CPT1A: variants seen among roughly 807,000 people sequenced by gnomAD.
CPT1A encodes the protein carnitine O-palmitoyltransferase 1, liver isoform.
A neutral mutation model predicts 100.8 loss-of-function variants in CPT1A; 64 were observed. The ratio of observed to expected loss-of-function variants is 0.63; its 90% CI spans 0.52 to 0.78. The LOEUF (loss-of-function observed/expected upper bound fraction) is 0.78. CPT1A is among the 30% of genes least tolerant of loss of function. CPT1A has a pLI of 0.00. For synonymous variants in CPT1A, 363 were observed against 396.0 expected, an observed-to-expected ratio of 0.92 and a Z score of 0.99; for missense variants, 802 against 1,034.1, an observed-to-expected ratio of 0.78 and a Z score of 3.08.
At chr11:68,785,447 G>A (rs187105328) in intron 9 of CPT1A, among the ~76,000 whole-genome samples, 14 of 151,646 alleles carry the variant, frequency 9.2e-5, no homozygotes, top group Admixed American at 7.3e-4. Context: ...TCTAGTCCCA[G>A]CTACTCGGGA....
At chr11:68,781,656 T>C (rs1007228766) in intron 11 of CPT1A, 115 bp downstream of exon 11, 2 of 949,820 alleles carry the variant, frequency 2.1e-6, no homozygotes, top group Non-Finnish European at 3.4e-6. Flanking sequence ...GGTTATATTT[T>C]TATGCCACCT....
chr11:68,810,820 A>G (rs1349323349), intron 3 of CPT1A, among the ~76,000 whole-genome samples: 1 of 152,104 alleles, frequency 6.6e-6, no homozygotes, highest in African/African-American at 2.4e-5. Flanking sequence ...CCTCATCTCT[A>G]CAAAACATAC....
At chr11:68,843,363 GC>G (rs1446454469), upstream of CPT1A, among the ~76,000 whole-genome samples, 5 of 136,704 alleles carry the variant, frequency 3.7e-5, no homozygotes, top group African/African-American at 1.1e-4. This position sits in a 1 kb window ranked among gnomAD's most constrained non-coding sequence, Gnocchi z 4.0. Context: ...CCTCCTCCCC[GC>G]CCCCCACCCC....
intron 1 of CPT1A, among the ~76,000 whole-genome samples, chr11:68,829,137 GC>G (rs1014380128): frequency 1.7e-4 from 26 of 152,312 alleles, no homozygotes; most frequent in African/African-American, 6.3e-4. Flanking sequence ...CTGGGAAGAA[GC>G]AGGGATGGAC....
chr11:68,815,077 G>A lies in CPT1A; in HGVS notation c.141+257C>T, dbSNP rs373282909. ...TCTTTACTCTGCCTCCTATTAAGTA[G>A]GTCGCTGGCCCTTTAAGCCTCGATT... is the stretch of plus-strand genomic sequence containing the variant. On this transcript the variant is annotated intron_variant, in intron 2 of 18. Coordinates refer to ENST00000265641, the MANE Select transcript of CPT1A (RefSeq NM_001876.4). Among the ~76,000 whole-genome samples the A allele has an allele frequency of 1.4e-4, 22 of 152,256 alleles. No individual in the cohort carries two copies. In the East Asian group the frequency reaches 4.0e-3, roughly 28 times the overall value.
In CPT1A at chr11:68,760,259, G is replaced by A. The variant is rs143980178; in HGVS notation, c.2108C>T (p.Pro703Leu). ...QVELFDLENN[P>L]EYVSSGGGFG... ...GCCCCCTCCGCTGGACACGTACTCT[G>A]GGTTATTCTCCAAGTCAAACAGCTC... Residue 703 changes from proline (P) to leucine (L), a missense_variant, in exon 17 of 19, where the codon CCA (proline) becomes CTA (leucine). Transcript: ENST00000265641. The A allele has an allele frequency of 9.3e-6, 15 of 1,612,186 alleles. No individual in the cohort carries two copies. Among genetic ancestry groups the A allele is most frequent in the Non-Finnish European group, 1.3e-5 (15 of 1,179,610 alleles).
Position 68,775,398 on chromosome 11 carries a change from T to G in CPT1A, c.1493A>C (p.Tyr498Ser). ...GCCTTTGCAGTGCCCATCCTCCGCA[T>G]AGCCCAGCTGGAGGCTGTCAATGGA... ...VMSIDSLQLG[Y>S]AEDGHCKGDI... The change falls in exon 13 of 19, where the codon TAT becomes TCT. Residue 498 changes from tyrosine (Y) to serine (S), a missense_variant. By Grantham distance (144) the Tyr-to-Ser change is moderately radical (BLOSUM62 -2). Coordinates refer to ENST00000265641, the MANE Select transcript of CPT1A (RefSeq NM_001876.4). 4 of 1,614,224 alleles carry G rather than the reference T, an allele frequency of 2.5e-6. No individual in the cohort carries two copies.
At chr11:68,779,977 G>A (rs1378857435) in intron 12 of CPT1A, among the ~76,000 whole-genome samples, 1 of 152,076 alleles carries the variant, frequency 6.6e-6, no homozygotes, top group African/African-American at 2.4e-5. Context: ...CCTAAAAAAT[G>A]CGGTAGGTAG....
intron 3 of CPT1A, among the ~76,000 whole-genome samples, chr11:68,809,877 A>G (rs1392329106): frequency 6.6e-6 from 1 of 152,228 alleles, no homozygotes; most frequent in Non-Finnish European, 1.5e-5. Context: ...CCTACACTAG[A>G]GAGTAAATTA....
intron 2 of CPT1A, among the ~76,000 whole-genome samples, chr11:68,813,238 T>G (rs1856269733): frequency 6.6e-6 from 1 of 151,842 alleles, no homozygotes; most frequent in Non-Finnish European, 1.5e-5. Flanking sequence ...GGATTAAAAA[T>G]GACCAAAGCA....
At chr11:68,780,977 T>C (rs1204919476) in intron 11 of CPT1A, among the ~76,000 whole-genome samples, 1 of 152,162 alleles carries the variant, frequency 6.6e-6, no homozygotes, top group East Asian at 1.9e-4. Flanking sequence ...CCTGGCAGCC[T>C]GAAGTCAGGA....
intron 1 of CPT1A, among the ~76,000 whole-genome samples, chr11:68,826,453 G>C (rs983734824): frequency 1.5e-5 from 2 of 136,980 alleles, no homozygotes; most frequent in African/African-American, 5.3e-5. Context: ...AAAAAAAAAA[G>C]GTCAGGCGCG....
At chr11:68,778,365 G>A (rs1462843083) in intron 12 of CPT1A, among the ~76,000 whole-genome samples, 2 of 152,162 alleles carry the variant, frequency 1.3e-5, no homozygotes, top group African/African-American at 2.4e-5. Context: ...GAGTGAGTGC[G>A]AAGACTTTGC....
rs543360838 is a variant in CPT1A at position 68,789,796 on chromosome 11, T to C, written c.967+3519A>G. 4.4e-4 allele frequency among the ~76,000 whole-genome samples: 67 copies of C among 152,340 alleles called. 1 individual carries two copies. The highest frequency in any genetic ancestry group is 8.1e-4 in the Non-Finnish European group (55 of 68,026). On this transcript the variant is annotated intron_variant, in intron 9 of 18. Transcript: ENST00000265641. ...TTCCAGGGGTGCCCATCATTTCCTTTCCAATTAGGATCTTCATGGTTTTCT... is the reference window on the plus strand; with the variant it reads ...TTCCAGGGGTGCCCATCATTTCCTTCCCAATTAGGATCTTCATGGTTTTCT...
chr11:68,804,560 C>T (rs899038929), intron 4 of CPT1A, among the ~76,000 whole-genome samples: 18 of 152,126 alleles, frequency 1.2e-4, no homozygotes, highest in Non-Finnish European at 1.9e-4. Context: ...TGCACTCCAG[C>T]CTGGGCAACA....
At chr11:68,837,879 T>C (rs1422718482) in intron 1 of CPT1A, among the ~76,000 whole-genome samples, 1 of 152,072 alleles carries the variant, frequency 6.6e-6, no homozygotes, top group East Asian at 1.9e-4. Context: ...CTTCAACACA[T>C]ATCTGAATGT....
chr11:68,762,573 C>A, intron 15 of CPT1A, 54 bp downstream of exon 15: 1 of 1,607,084 alleles, frequency 6.2e-7, no homozygotes, highest in South Asian at 1.1e-5. Context: ...CCTCCAGAAG[C>A]CTTTTAGGGA....
chr11:68,781,345 C>G (rs187352650), intron 11 of CPT1A, among the ~76,000 whole-genome samples: 1 of 152,166 alleles, frequency 6.6e-6, no homozygotes, highest in African/African-American at 2.4e-5. Flanking sequence ...GTTGGCCAGG[C>G]GCAGTGGCTC....
At chr11:68,786,386 G>A (rs1855463230) in intron 9 of CPT1A, among the ~76,000 whole-genome samples, 1 of 152,016 alleles carries the variant, frequency 6.6e-6, no homozygotes, top group African/African-American at 2.4e-5. Flanking sequence ...AACAAAATAG[G>A]ACAAGTGTCA....
Sources: gnomAD v4.1 joint callset for allele counts (sites outside exome capture counted in the v4.1 genomes callset) on GRCh38, gnomAD v4.1.1 for gene constraint, Gnocchi (gnomAD v3.1) non-coding constraint, MANE v1.5 for transcripts, NCBI Gene and HGNC (gene_info 2026-07-23, HGNC 2026-07-21) for gene names.